The following PLA2R1 variants were observed in gnomAD, a reference collection of about 807,000 sequenced individuals.
PLA2R1 encodes phospholipase A2 receptor 1.
Under a neutral mutation model 195.9 loss-of-function variants are expected in PLA2R1, and 158 were observed. The observed-to-expected ratio is 0.81, with a 90% CI of 0.71 to 0.92. PLA2R1 has a LOEUF of 0.92. Among genes scored for constraint, PLA2R1 ranks in the 40% least tolerant of loss-of-function variants. The pLI, the probability that PLA2R1 is intolerant of heterozygous loss-of-function variation, is 0.00. For synonymous variants in PLA2R1, 586 were observed against 598.2 expected, an observed-to-expected ratio of 0.98 and a Z score of 0.30; for missense variants, 1,626 against 1,764.6, an observed-to-expected ratio of 0.92 and a Z score of 1.41.
At chr2:159,951,696 A>T in intron 23 of PLA2R1, 118 bp from the exon 24 acceptor site, 1 of 658,804 alleles carries the variant, frequency 1.5e-6, no homozygotes, top group Non-Finnish European at 2.7e-6. Context: ...TTTCTTCTGG[A>T]ATTGACTGTT....
intron 19 of PLA2R1, 124 bp from the exon 20 acceptor site, chr2:159,967,802 C>G (rs1688886830): frequency 1.1e-5 from 8 of 720,332 alleles, no homozygotes; most frequent in Non-Finnish European, 1.7e-5. Context: ...AATCTAGAAA[C>G]TGAACTAAAC....
intron 17 of PLA2R1, among the ~76,000 whole-genome samples, chr2:159,973,931 T>C (rs1485064295): frequency 6.6e-6 from 1 of 152,134 alleles, no homozygotes; most frequent in African/African-American, 2.4e-5. Context: ...GCAGTGGCTA[T>C]GATGACTCAA....
intron 1 of PLA2R1, among the ~76,000 whole-genome samples, chr2:160,048,745 A>T (rs1485298724): frequency 6.6e-6 from 1 of 152,142 alleles, no homozygotes; most frequent in South Asian, 2.1e-4. Flanking sequence ...TACTGCCAGA[A>T]TTACTAAATC....
chr2:159,981,470 A>G (rs1689952086), intron 13 of PLA2R1, among the ~76,000 whole-genome samples: 1 of 151,980 alleles, frequency 6.6e-6, no homozygotes. Context: ...GTAGCACACA[A>G]TCTTGGCTCA....
At chr2:159,984,747 T>C (rs1453478597) in intron 12 of PLA2R1, among the ~76,000 whole-genome samples, 3 of 152,212 alleles carry the variant, frequency 2.0e-5, no homozygotes, top group Non-Finnish European at 4.4e-5. Context: ...GTTGGCTTTA[T>C]TTAAGATTGG....
At chr2:160,031,298 C>A (rs1276192290) in intron 4 of PLA2R1, among the ~76,000 whole-genome samples, 1 of 152,154 alleles carries the variant, frequency 6.6e-6, no homozygotes, top group East Asian at 1.9e-4. Context: ...CATAACAAAA[C>A]AAATAGTTTT....
intron 14 of PLA2R1, among the ~76,000 whole-genome samples, chr2:159,978,742 T>C (rs1689744224): frequency 6.6e-6 from 1 of 152,154 alleles, no homozygotes; most frequent in Admixed American, 6.6e-5. Context: ...ATCAGAAAAA[T>C]GGATTAGTGG....
chr2:159,946,677 GC>G (rs1687404490), intron 27 of PLA2R1, 123 bp downstream of exon 27: 17 of 1,436,114 alleles, frequency 1.2e-5, no homozygotes, highest in African/African-American at 1.5e-5. Context: ...ATGGCTTTAG[GC>G]TTCATGCTAT....
chr2:159,946,614 T>C (rs1687401091), intron 27 of PLA2R1, 187 bp downstream of exon 27: 1 of 1,302,154 alleles, frequency 7.7e-7, no homozygotes, highest in Admixed American at 4.0e-5. Context: ...TCTGGGATTA[T>C]TTTAAAAGAC....
intron 19 of PLA2R1, among the ~76,000 whole-genome samples, chr2:159,968,326 G>A (rs1688921699): frequency 1.3e-5 from 2 of 151,748 alleles, no homozygotes; most frequent in South Asian, 4.1e-4. Context: ...TCCAGAACAG[G>A]GCAGAATGCA....
At chr2:159,963,488 T>C (rs1688583635) in intron 20 of PLA2R1, among the ~76,000 whole-genome samples, 1 of 152,182 alleles carries the variant, frequency 6.6e-6, no homozygotes, top group African/African-American at 2.4e-5. Flanking sequence ...ATAAATCACA[T>C]ATTGGATGGG....
At chr2:160,032,437 G>A (rs925763590) in intron 4 of PLA2R1, among the ~76,000 whole-genome samples, 1 of 152,078 alleles carries the variant, frequency 6.6e-6, no homozygotes, top group Non-Finnish European at 1.5e-5. Context: ...TTAGTTTATC[G>A]GCACAATTCT....
intron 20 of PLA2R1, among the ~76,000 whole-genome samples, chr2:159,957,491 A>G (rs922400610): frequency 6.6e-6 from 1 of 152,060 alleles, no homozygotes; most frequent in Non-Finnish European, 1.5e-5. Flanking sequence ...AGTAACTGGG[A>G]CTACAGGTGC....
At chr2:160,049,024 G>A (rs1370890713) in intron 1 of PLA2R1, among the ~76,000 whole-genome samples, 1 of 151,730 alleles carries the variant, frequency 6.6e-6, no homozygotes, top group Non-Finnish European at 1.5e-5. Flanking sequence ...TGTATTTTTA[G>A]TAGAGACGGG....
In PLA2R1 at chr2:159,987,314, C is replaced by G; in HGVS notation, c.1879G>C (p.Gly627Arg). Residue 627 changes from glycine to arginine, a missense_variant, in exon 12 of 30, where the codon GGT (glycine) becomes CGT (arginine). Transcript: ENST00000283243. Reference protein sequence around the residue: ...CVAMRGRHPLGRWEVKHCRHF... With the variant: ...CVAMRGRHPLRRWEVKHCRHF... ...CGACAGTGCTTCACTTCCCAGCGAC[C>G]AAGTGGATGCCTTCCTCGCATGGCA... is the stretch of plus-strand genomic sequence containing the variant. 6.2e-7 allele frequency: 1 copy of G among 1,612,348 alleles called. No individual in the cohort carries two copies. Among genetic ancestry groups the G allele is most frequent in the South Asian group, 1.1e-5 (1 of 90,982 alleles).
At chr2:159,971,789 A>G (rs574410582) in intron 17 of PLA2R1, among the ~76,000 whole-genome samples, 1 of 152,218 alleles carries the variant, frequency 6.6e-6, no homozygotes, top group Non-Finnish European at 1.5e-5. Flanking sequence ...AGCTCTCCAT[A>G]CAACAGAACC....
intron 11 of PLA2R1, among the ~76,000 whole-genome samples, chr2:159,995,684 A>G (rs1036708010): frequency 6.6e-6 from 1 of 152,078 alleles, no homozygotes; most frequent in Non-Finnish European, 1.5e-5. Context: ...TCCTAAGCTG[A>G]TGTTTATATA....
intron 10 of PLA2R1, among the ~76,000 whole-genome samples, chr2:160,009,024 G>T (rs1692177098): frequency 6.6e-6 from 1 of 152,206 alleles, no homozygotes; most frequent in South Asian, 2.1e-4. Flanking sequence ...CAATAGGATG[G>T]CTATTATCAA....
At chr2:160,039,048 T>C (rs13394556) in intron 3 of PLA2R1, among the ~76,000 whole-genome samples, 24,125 of 151,954 alleles carry the variant, frequency 0.16, 1,976 homozygotes, top group East Asian at 0.23. Context: ...GTATTTTTAG[T>C]AGAGATGGGA....
Sources: allele counts gnomAD v4.1 joint callset (sites outside exome capture counted in the v4.1 genomes callset), GRCh38; gene constraint gnomAD v4.1.1; transcripts MANE v1.5; gene names NCBI Gene and HGNC (gene_info 2026-07-23, HGNC 2026-07-21).